The following PLD5 variants were observed in gnomAD, a reference collection of about 807,000 sequenced individuals.
PLD5 encodes inactive phospholipase D5.
A neutral mutation model predicts 61.1 loss-of-function variants in PLD5; 36 were observed. The observed-to-expected ratio is 0.59, with a 90% confidence interval of 0.45 to 0.78. The LOEUF (loss-of-function observed/expected upper bound fraction) is 0.78, where lower values mean the gene tolerates loss of function less well. Among genes scored for constraint, PLD5 ranks in the 30% least tolerant of loss-of-function variants. PLD5 has a pLI of 0.00. For synonymous variants in PLD5, 243 were observed against 242.8 expected, an observed-to-expected ratio of 1.00 and a Z score of -0.01; for missense variants, 515 against 644.4, an observed-to-expected ratio of 0.80 and a Z score of 2.17.
intron 1 of PLD5, among the ~76,000 whole-genome samples, chr1:242,469,689 T>A (rs961145647): frequency 2.0e-5 from 3 of 152,188 alleles, no homozygotes; most frequent in East Asian, 1.9e-4. Flanking sequence ...TTTTAAAAAA[T>A]TTTTAGACAT....
At chr1:242,273,949 AC>A (rs1310414172) in intron 3 of PLD5, among the ~76,000 whole-genome samples, 1 of 152,106 alleles carries the variant, frequency 6.6e-6, no homozygotes, top group East Asian at 1.9e-4. Flanking sequence ...AGGGAGCATC[AC>A]CCTCTGACAC....
chr1:242,377,102 TTC>T, intron 1 of PLD5: 1 of 1,611,776 alleles, frequency 6.2e-7, no homozygotes. Flanking sequence ...GTTGGTTATC[TTC>T]CCCAGCCCCA....
chr1:242,473,356 A>C (rs535998751), intron 1 of PLD5, among the ~76,000 whole-genome samples: 9 of 152,334 alleles, frequency 5.9e-5, no homozygotes, highest in African/African-American at 2.2e-4. Flanking sequence ...AGAGCACTCC[A>C]TTTTGGTTCA....
At chr1:242,515,116 C>T (rs747596576) in intron 1 of PLD5, among the ~76,000 whole-genome samples, 1 of 152,126 alleles carries the variant, frequency 6.6e-6, no homozygotes, top group Non-Finnish European at 1.5e-5. Context: ...TCCCCAGAAG[C>T]CTCCTTCGTG....
At chr1:242,510,940 T>G (rs574902901) in intron 1 of PLD5, among the ~76,000 whole-genome samples, 2 of 152,340 alleles carry the variant, frequency 1.3e-5, no homozygotes, top group East Asian at 3.9e-4. Context: ...GTATTTCTGT[T>G]ATTGGAGCCT....
chr1:242,107,174 C>T (rs1379793685), intron 8 of PLD5, among the ~76,000 whole-genome samples: 2 of 151,934 alleles, frequency 1.3e-5, no homozygotes, highest in East Asian at 1.9e-4. Flanking sequence ...TGAATGGGGT[C>T]GTTCAAGGAA....
intron 4 of PLD5, among the ~76,000 whole-genome samples, chr1:242,231,129 A>G (rs1000815198): frequency 6.6e-6 from 1 of 152,226 alleles, no homozygotes; most frequent in Admixed American, 6.5e-5. Flanking sequence ...ATCAGCAAGA[A>G]CACTGTCTAC....
intron 4 of PLD5, among the ~76,000 whole-genome samples, chr1:242,234,857 G>A (rs400838): frequency 0.75 from 114,632 of 151,934 alleles, 43,358 homozygotes; most frequent in South Asian, 0.87. Flanking sequence ...CTGAAGAAAA[G>A]TCCTGTGGAT....
At chr1:242,521,871 T>G (rs557217429) in intron 1 of PLD5, among the ~76,000 whole-genome samples, 1 of 152,298 alleles carries the variant, frequency 6.6e-6, no homozygotes, top group South Asian at 2.1e-4. Context: ...TTTTGACATC[T>G]CAAACATTAA....
intron 1 of PLD5, among the ~76,000 whole-genome samples, chr1:242,398,709 GAAT>G (rs1663747196): frequency 6.6e-6 from 1 of 152,110 alleles, no homozygotes. Flanking sequence ...ACAACGAGGA[GAAT>G]AATACCTAAC....
At chr1:242,129,868 C>T (rs1349571526) in intron 5 of PLD5, among the ~76,000 whole-genome samples, 1 of 152,142 alleles carries the variant, frequency 6.6e-6, no homozygotes, top group Non-Finnish European at 1.5e-5. Context: ...TATTTAGCTT[C>T]CACTTATAAG....
rs991846666 is a variant in PLD5, at chr1:242,191,543, G to A, written c.735+28445C>T. Reference sequence around the variant, plus strand: ...GGAAGTTGCAGTGAGCCAAGACTGCGCCACTGCACTCCAGCCTGGGCAATG... The same window carrying A: ...GGAAGTTGCAGTGAGCCAAGACTGCACCACTGCACTCCAGCCTGGGCAATG... On this transcript the variant is annotated intron_variant, in intron 5 of 9. Transcript: ENST00000536534. Among the ~76,000 whole-genome samples, 16 of 148,262 alleles carry A rather than the reference G, an allele frequency of 1.1e-4. 1 individual carries two copies. Among genetic ancestry groups the A allele is most frequent in the African/African-American group, 1.7e-4 (7 of 41,008 alleles).
chr1:242,150,660 T>C (rs913465357), intron 5 of PLD5, among the ~76,000 whole-genome samples: 1 of 151,798 alleles, frequency 6.6e-6, no homozygotes, highest in Admixed American at 6.6e-5. Context: ...CATAATAAAT[T>C]TTTAGAATCT....
chr1:242,472,886 T>C (rs909163528), intron 1 of PLD5, among the ~76,000 whole-genome samples: 1 of 152,166 alleles, frequency 6.6e-6, no homozygotes, highest in African/African-American at 2.4e-5. Context: ...GCTTCTTAAA[T>C]GGTAAAATCA....
chr1:242,526,583 A>G (rs920234176), upstream of PLD5, among the ~76,000 whole-genome samples: 8 of 152,114 alleles, frequency 5.3e-5, no homozygotes, highest in Admixed American at 5.2e-4. Context: ...CTACAGGTGC[A>G]CGTCACCACG....
intron 1 of PLD5, among the ~76,000 whole-genome samples, chr1:242,388,916 T>C (rs1425192517): frequency 2.0e-5 from 3 of 151,924 alleles, no homozygotes; most frequent in African/African-American, 2.4e-5. Flanking sequence ...GATTGCACCA[T>C]TGCACTCCAG....
chr1:242,451,696 G>A (rs557677903), intron 1 of PLD5, among the ~76,000 whole-genome samples: 5 of 152,130 alleles, frequency 3.3e-5, no homozygotes, highest in African/African-American at 1.2e-4. Flanking sequence ...CTGAGCTCAG[G>A]TGATCCACCT....
In PLD5 at chr1:242,194,119, C is replaced by T. The variant is rs185710758; in HGVS notation, c.735+25869G>A. Among the ~76,000 whole-genome samples, 331 of 152,182 alleles carry T rather than the reference C, an allele frequency of 2.2e-3. 1 individual carries two copies. Among genetic ancestry groups the T allele is most frequent in the Admixed American group, 0.016 (239 of 15,284 alleles). On this transcript the variant is annotated intron_variant, in intron 5 of 9. Transcript: ENST00000536534. ...TAGGTATGGCAGGAACAGGGGGAAA[C>T]GCAAGCTCCCCTACCTGTCTGGTGT... is the stretch of plus-strand genomic sequence containing the variant.
chr1:242,519,428 A>T (rs1381723257), intron 1 of PLD5, among the ~76,000 whole-genome samples: 1 of 152,238 alleles, frequency 6.6e-6, no homozygotes, highest in Non-Finnish European at 1.5e-5. Flanking sequence ...AGTGTGAGGC[A>T]CTTACTAAAT....
Sources: gnomAD v4.1 joint callset for allele counts (sites outside exome capture counted in the v4.1 genomes callset) on GRCh38, gnomAD v4.1.1 for gene constraint, MANE v1.5 for transcripts, NCBI Gene and HGNC (gene_info 2026-07-23, HGNC 2026-07-21) for gene names.